CMIP: variants seen among roughly 807,000 people sequenced by gnomAD.
CMIP encodes c-Maf inducing protein.
In CMIP, 13 loss-of-function variants were observed where a neutral mutation model predicts 97.3. The observed-to-expected ratio is 0.13, with a 90% CI of 0.09 to 0.21. The LOEUF (loss-of-function observed/expected upper bound fraction) is 0.21. Ranked by LOEUF, CMIP falls within the 10% of genes least tolerant of loss-of-function variation. The pLI, the probability that CMIP is intolerant of heterozygous loss-of-function variation, is 1.00. For synonymous variants in CMIP, 538 were observed against 436.3 expected (o/e 1.23, Z -2.91); for missense variants, 847 against 1,024.9 (o/e 0.83, Z 2.37).
At chr16:81,467,205 A>G (rs566182894) in intron 1 of CMIP, among the ~76,000 whole-genome samples, 10 of 152,166 alleles carry the variant, frequency 6.6e-5, no homozygotes, top group African/African-American at 2.4e-4. Flanking sequence ...GGTCCCTAAC[A>G]CTCACTCTGG....
chr16:81,556,220 G>C (rs1267920148), intron 1 of CMIP, among the ~76,000 whole-genome samples: 1 of 152,134 alleles, frequency 6.6e-6, no homozygotes, highest in African/African-American at 2.4e-5. Context: ...CCCGGGTGGG[G>C]TGGAAGGCAG....
rs954909095 is a variant in CMIP, at chr16:81,556,699, A to G, written c.301-50868A>G. Among the ~76,000 whole-genome samples, 3 of 152,220 alleles carry G rather than the reference A, an allele frequency of 2.0e-5. No homozygotes were observed. The East Asian group carries it at 5.8e-4, about 29-fold the overall frequency. On this transcript the variant is annotated intron_variant, in intron 1 of 20. Transcript: ENST00000537098. ...TGGCGATGGTTGCACAGCAGTGTGG[A>G]TGGACCAAATGCCACTGAACCGTAC...
At chr16:81,639,832 A>G (rs78989099) in intron 3 of CMIP, among the ~76,000 whole-genome samples, 9,966 of 152,198 alleles carry the variant, frequency 0.065, 378 homozygotes, top group African/African-American at 0.077. Context: ...TTGGAATTCT[A>G]AGCCCCTTGG....
At chr16:81,668,028 C>T (rs902464743) in intron 7 of CMIP, among the ~76,000 whole-genome samples, 4 of 151,940 alleles carry the variant, frequency 2.6e-5, no homozygotes, top group Non-Finnish European at 5.9e-5. Context: ...TCCTGGGAGC[C>T]TGCGGGAGGG....
At chr16:81,496,633 G>A (rs543331203) in intron 1 of CMIP, among the ~76,000 whole-genome samples, 1 of 152,326 alleles carries the variant, frequency 6.6e-6, no homozygotes, top group African/African-American at 2.4e-5. Context: ...TTTTGTGCAC[G>A]TGCTTCCAGG....
intron 1 of CMIP, among the ~76,000 whole-genome samples, chr16:81,492,611 C>G (rs2089423097): frequency 6.6e-6 from 1 of 152,058 alleles, no homozygotes; most frequent in Admixed American, 6.5e-5. Context: ...CCAGGCTATG[C>G]AGGCCCTCGA....
rs1046536334 is a variant in CMIP at position 81,444,811 on chromosome 16, C to A, written c.-431C>A. On this transcript the variant is annotated 5_prime_UTR_variant, in exon 1 of 21. Transcript: ENST00000537098. ...GCGGCCCGCCCCGCCCGCGGCCACT[C>A]TCGCCCGGACGGCCGCGCGGACACA... Among the ~76,000 whole-genome samples, 1 of 145,540 alleles carries A rather than the reference C, an allele frequency of 6.9e-6. No homozygotes were observed. Among genetic ancestry groups the A allele is most frequent in the Non-Finnish European group, 1.5e-5 (1 of 65,404 alleles).
intron 1 of CMIP, among the ~76,000 whole-genome samples, chr16:81,460,311 C>T (rs1328850060): frequency 2.6e-5 from 4 of 152,130 alleles, no homozygotes; most frequent in South Asian, 2.1e-4. Context: ...CCTTTTCCTT[C>T]GGGTTGCCAG....
intron 1 of CMIP, among the ~76,000 whole-genome samples, chr16:81,449,730 T>G (rs1906094405): frequency 6.6e-6 from 1 of 151,912 alleles, no homozygotes; most frequent in Non-Finnish European, 1.5e-5. Context: ...CAAAATTGTT[T>G]CCTAGACAAC....
At chr16:81,578,372 A>C (rs547144757) in intron 1 of CMIP, among the ~76,000 whole-genome samples, 21 of 152,366 alleles carry the variant, frequency 1.4e-4, no homozygotes, top group Non-Finnish European at 2.5e-4. Context: ...AAGAGTACAG[A>C]GTCCCTTAAT....
intron 1 of CMIP, among the ~76,000 whole-genome samples, chr16:81,479,107 G>T (rs1480079221): frequency 1.3e-5 from 2 of 152,184 alleles, no homozygotes; most frequent in African/African-American, 2.4e-5. Flanking sequence ...TTTTTCCTGG[G>T]GGGAGGGGGA....
chr16:81,473,015 A>G (rs967690279), intron 1 of CMIP, among the ~76,000 whole-genome samples: 2 of 152,126 alleles, frequency 1.3e-5, no homozygotes, highest in Non-Finnish European at 2.9e-5. Context: ...CCAAGCTTAC[A>G]TAGATCCCAT....
intron 7 of CMIP, among the ~76,000 whole-genome samples, chr16:81,669,753 TCTC>T (rs2092663551): frequency 3.7e-5 from 4 of 109,446 alleles, no homozygotes; most frequent in East Asian, 6.0e-4. Flanking sequence ...CCACCTCTCT[TCTC>T]CTTCCACACC....
chr16:81,681,128 A>T (rs988884653), intron 10 of CMIP, among the ~76,000 whole-genome samples: 2 of 152,162 alleles, frequency 1.3e-5, no homozygotes, highest in African/African-American at 4.8e-5. Flanking sequence ...TACGCAGAGG[A>T]GCAGGTCACG....
At position 81,701,755 on chromosome 16, in the gene CMIP, C is replaced by T; in HGVS notation, c.1851C>T (p.Arg617=). The stretch of plus-strand genomic sequence containing the variant: ...TGGAGAGCACAGACGTGGGGAAGCG[C>T]ATGTACGAGCAGCTGTGTGACCGGC... The part of the protein sequence containing the change: ...STLESTDVGK[R]MYEQLCDRQR... The change falls in exon 16 of 21, where the codon CGC becomes CGT. Residue 617 remains arginine, a synonymous_variant. Coordinates refer to ENST00000537098, the MANE Select transcript of CMIP (RefSeq NM_198390.3). 6 of 1,613,830 alleles carry T rather than the reference C, an allele frequency of 3.7e-6. No homozygotes were observed. Among genetic ancestry groups the T allele is most frequent in the Admixed American group, 1.7e-5 (1 of 60,034 alleles).
intron 1 of CMIP, among the ~76,000 whole-genome samples, chr16:81,579,779 C>G (rs1480971179): frequency 6.6e-6 from 1 of 152,086 alleles, no homozygotes; most frequent in Admixed American, 6.5e-5. Flanking sequence ...ATGGTGAAAC[C>G]CCGTCTCTAC....
chr16:81,465,833 C>T (rs1907169631), intron 1 of CMIP, among the ~76,000 whole-genome samples: 1 of 152,188 alleles, frequency 6.6e-6, no homozygotes, highest in South Asian at 2.1e-4. Flanking sequence ...TCGCTCCAGA[C>T]CTTCGCTCAG....
intron 1 of CMIP, among the ~76,000 whole-genome samples, chr16:81,550,525 A>G (rs1339946781): frequency 1.3e-5 from 2 of 152,140 alleles, no homozygotes; most frequent in Non-Finnish European, 2.9e-5. Context: ...GATGGTGTTG[A>G]CAGGTCTTAT....
chr16:81,570,235 G>T (rs990581897), intron 1 of CMIP, among the ~76,000 whole-genome samples: 3 of 152,172 alleles, frequency 2.0e-5, no homozygotes, highest in South Asian at 2.1e-4. Flanking sequence ...CACAGAGGGG[G>T]TGGAGAAGGC....
Sources: allele counts gnomAD v4.1 joint callset (sites outside exome capture counted in the v4.1 genomes callset), GRCh38; gene constraint gnomAD v4.1.1; transcripts MANE v1.5; gene names NCBI Gene and HGNC (gene_info 2026-07-23, HGNC 2026-07-21).